TFEC: variants seen among roughly 807,000 people sequenced by gnomAD.
TFEC encodes the protein class E basic helix-loop-helix protein 34.
In TFEC, 31 loss-of-function variants were observed where a neutral mutation model predicts 41.6. That is an observed-to-expected ratio of 0.74 (90% CI 0.56 to 1.01). The LOEUF (loss-of-function observed/expected upper bound fraction) is 1.01. Ranked by LOEUF, TFEC falls within the 50% of genes least tolerant of loss-of-function variation. The pLI is 0.00. For missense variants in TFEC, 402 were observed against 404.1 expected, an observed-to-expected ratio of 0.99 and a Z score of 0.04; for synonymous variants, 143 against 140.6, an observed-to-expected ratio of 1.02 and a Z score of -0.12.
At chr7:116,011,688 C>T (rs1795006805) in intron 1 of TFEC, among the ~76,000 whole-genome samples, 1 of 152,136 alleles carries the variant, frequency 6.6e-6, no homozygotes, top group Non-Finnish European at 1.5e-5. Flanking sequence ...CAATCTCATG[C>T]TGAAACATGA....
intron 3 of TFEC, among the ~76,000 whole-genome samples, chr7:116,051,999 C>A (rs946674017): frequency 6.6e-6 from 1 of 151,600 alleles, no homozygotes; most frequent in Non-Finnish European, 1.5e-5. Flanking sequence ...ACTCCCATTT[C>A]CTGATATGGG....
At position 116,010,750 on chromosome 7, in the gene TFEC, AT is replaced by A. The variant is rs1410067009; in HGVS notation, c.-73+19882del. ...AAAATCTATTCTGATATTAAACTTT[AT>A]TTTTCCCCCTTCTCCTTATTGAATT... is the stretch of plus-strand genomic sequence containing the variant. On this transcript the variant is annotated intron_variant, in intron 1 of 7. Coordinates refer to ENST00000265440, the MANE Select transcript of TFEC (RefSeq NM_012252.4). Among the ~76,000 whole-genome samples the A allele has an allele frequency of 3.4e-4, 51 of 152,000 alleles. 1 individual carries two copies. Among genetic ancestry groups the A allele is most frequent in the African/African-American group, 9.7e-5 (4 of 41,392 alleles).
Position 115,984,414 on chromosome 7 carries a change from G to A in TFEC, c.28C>T (p.Pro10Ser). The A allele has an allele frequency of 6.2e-7, 1 of 1,614,098 alleles. No homozygotes were observed. Among genetic ancestry groups the A allele is most frequent in the Non-Finnish European group, 8.5e-7 (1 of 1,179,978 alleles). MTLDHQIIN[P>S]TLKWSQPAVP... ...GCAGGTTGTGACCATTTAAGAGTTG[G>A]ATTGATGATCTGATGATCAAGGGTC... Residue 10 changes from proline to serine, a missense_variant, in exon 2 of 8, where the codon CCA becomes TCA. Physicochemically the swap from Pro to Ser is moderately conservative, Grantham distance 74 (BLOSUM62 -1). Coordinates refer to ENST00000265440, the MANE Select transcript of TFEC (RefSeq NM_012252.4).
chr7:115,968,223 C>T, intron 3 of TFEC: 1 of 1,531,148 alleles, frequency 6.5e-7, no homozygotes, highest in Middle Eastern at 1.7e-4. Context: ...TTCACAATAG[C>T]AATGGTTTTC....
chr7:115,972,260 T>A (rs928709822), intron 3 of TFEC, among the ~76,000 whole-genome samples: 5 of 152,108 alleles, frequency 3.3e-5, no homozygotes, highest in Non-Finnish European at 2.9e-5. Context: ...TGGTTTCTCC[T>A]TCATTTGAGC....
chr7:116,041,668 A>T (rs1005905218), intron 3 of TFEC, among the ~76,000 whole-genome samples: 2 of 152,186 alleles, frequency 1.3e-5, no homozygotes. Flanking sequence ...CTTGCTAATC[A>T]CGTAGAAAAC....
intron 3 of TFEC, among the ~76,000 whole-genome samples, chr7:116,053,700 C>A (rs1296640530): frequency 6.6e-6 from 1 of 152,166 alleles, no homozygotes; most frequent in African/African-American, 2.4e-5. Context: ...CAGCCTCCCT[C>A]CATGTGGTAT....
At chr7:116,132,862 G>C (rs1798360405) in intron 1 of TFEC, among the ~76,000 whole-genome samples, 1 of 152,080 alleles carries the variant, frequency 6.6e-6, no homozygotes, top group African/African-American at 2.4e-5. Context: ...ATTTTGTTGT[G>C]AATGTTTACA....
chr7:116,023,842 G>A (rs1795488350), intron 1 of TFEC, among the ~76,000 whole-genome samples: 1 of 152,026 alleles, frequency 6.6e-6, no homozygotes, highest in Admixed American at 6.6e-5. Context: ...CCCTTTTTAT[G>A]TAGATTCCAT....
intron 1 of TFEC, among the ~76,000 whole-genome samples, chr7:116,155,841 T>C (rs994788136): frequency 2.6e-5 from 4 of 152,202 alleles, no homozygotes; most frequent in Non-Finnish European, 4.4e-5. Flanking sequence ...TGCCCTGCTT[T>C]TCCCCAGCTC....
At chr7:116,062,841 T>C (rs1278460166) in intron 3 of TFEC, among the ~76,000 whole-genome samples, 1 of 152,138 alleles carries the variant, frequency 6.6e-6, no homozygotes, top group Non-Finnish European at 1.5e-5. Context: ...ACCAGACTGC[T>C]GGTAGGAATG....
exon 3 of TFEC, chr7:116,110,733 G>A: frequency 2.0e-6 from 3 of 1,524,820 alleles, no homozygotes; most frequent in Non-Finnish European, 2.6e-6. Context: ...TAATTGACTT[G>A]AATAAATTTG....
At chr7:116,026,507 C>T (rs1243866939) in intron 1 of TFEC, among the ~76,000 whole-genome samples, 2 of 152,170 alleles carry the variant, frequency 1.3e-5, no homozygotes, top group Non-Finnish European at 1.5e-5. Flanking sequence ...TCTACTTGTA[C>T]ACCTCCATCT....
chr7:116,122,763 G>A (rs138712731), intron 1 of TFEC, among the ~76,000 whole-genome samples: 1 of 152,198 alleles, frequency 6.6e-6, no homozygotes, highest in East Asian at 1.9e-4. Context: ...ACTGGAACAA[G>A]GTGATGGCAA....
intron 1 of TFEC, among the ~76,000 whole-genome samples, chr7:116,145,277 G>A (rs750221024): frequency 1.1e-4 from 16 of 152,076 alleles, no homozygotes; most frequent in Non-Finnish European, 1.9e-4. Context: ...ATGCTCATGA[G>A]AGAGTAAATT....
intron 1 of TFEC, among the ~76,000 whole-genome samples, chr7:116,115,336 T>C (rs1178424919): frequency 3.3e-5 from 5 of 152,016 alleles, no homozygotes; most frequent in Non-Finnish European, 4.4e-5. Context: ...ACTTCTGTAG[T>C]AGAGAAGTTT....
At chr7:116,151,701 C>A (rs911491582) in intron 1 of TFEC, among the ~76,000 whole-genome samples, 1 of 151,528 alleles carries the variant, frequency 6.6e-6, no homozygotes, top group Non-Finnish European at 1.5e-5. Flanking sequence ...CTCTTAATAT[C>A]ATTATAAAAA....
intron 3 of TFEC, among the ~76,000 whole-genome samples, chr7:116,053,120 C>A (rs1291977531): frequency 6.6e-6 from 1 of 152,044 alleles, no homozygotes; most frequent in East Asian, 1.9e-4. Flanking sequence ...ATGGGTTAAT[C>A]TCTCCTGGCT....
intron 3 of TFEC, among the ~76,000 whole-genome samples, chr7:115,965,033 G>GT (rs1306459569): frequency 6.6e-6 from 1 of 151,568 alleles, no homozygotes; most frequent in Admixed American, 6.6e-5. Flanking sequence ...AGAAATGACA[G>GT]TAACAATTTC....
Sources: allele counts gnomAD v4.1 joint callset (sites outside exome capture counted in the v4.1 genomes callset), GRCh38; gene constraint gnomAD v4.1.1; transcripts MANE v1.5; gene names NCBI Gene and HGNC (gene_info 2026-07-23, HGNC 2026-07-21).